PCED1B: variants seen among roughly 807,000 people sequenced by gnomAD.
PCED1B encodes the protein PC-esterase domain containing 1B.
For missense variants in PCED1B, 573 were observed against 573.9 expected (o/e 1.00, Z 0.02); for synonymous variants, 251 against 246.1 (o/e 1.02, Z -0.19).
intron 2 of PCED1B, among the ~76,000 whole-genome samples, chr12:47,116,433 A>T (rs1939423222): frequency 6.6e-6 from 1 of 152,074 alleles, no homozygotes; most frequent in Non-Finnish European, 1.5e-5. Context: ...CTGTTTTTTG[A>T]TCTGCTGAAA....
At chr12:47,217,865 C>A (rs1939966900) in intron 3 of PCED1B, among the ~76,000 whole-genome samples, 1 of 152,224 alleles carries the variant, frequency 6.6e-6, no homozygotes. Context: ...GCATGAGCTA[C>A]CGCGCCCTTC....
rs573617131 is a variant in PCED1B at position 47,110,311 on chromosome 12, C to T, written c.-526+6116C>T. On this transcript the variant is annotated intron_variant, in intron 2 of 3. Transcript: ENST00000546455. Reference sequence around the variant, plus strand: ...AAACAAAAATGCTGTGTTTGGAGGCCATAATGTGAGCTTTTGTCAACAAAG... The same window carrying T: ...AAACAAAAATGCTGTGTTTGGAGGCTATAATGTGAGCTTTTGTCAACAAAG... Among the ~76,000 whole-genome samples the T allele has an allele frequency of 1.5e-4, 23 of 152,222 alleles. No homozygotes were observed. In the South Asian group the frequency reaches 3.7e-3, roughly 25 times the overall value.
intron 1 of PCED1B, chr12:47,080,049 C>T (rs1356160930): frequency 6.6e-6 from 1 of 152,366 alleles, no homozygotes; most frequent in Non-Finnish European, 1.5e-5. Flanking sequence ...GGCGCCCCCT[C>T]ATACCGCCCC....
intron 1 of PCED1B, among the ~76,000 whole-genome samples, chr12:47,089,218 G>A (rs796115755): frequency 3.3e-5 from 5 of 151,836 alleles, no homozygotes; most frequent in African/African-American, 9.7e-5. Flanking sequence ...CAAGGCAGGC[G>A]GATCATGAGG....
intron 1 of PCED1B, among the ~76,000 whole-genome samples, chr12:47,083,823 G>C (rs1937854778): frequency 6.6e-6 from 1 of 152,134 alleles, no homozygotes. Flanking sequence ...TCCCCAGGAA[G>C]AGCTCACAAT....
intron 2 of PCED1B, among the ~76,000 whole-genome samples, chr12:47,149,991 A>G (rs1228265290): frequency 1.3e-5 from 2 of 152,224 alleles, no homozygotes; most frequent in Admixed American, 1.3e-4. Flanking sequence ...TTAATGAAAT[A>G]TGAATTAGAT....
chr12:47,128,205 C>G (rs1196899349), intron 2 of PCED1B, among the ~76,000 whole-genome samples: 1 of 151,956 alleles, frequency 6.6e-6, no homozygotes, highest in Admixed American at 6.6e-5. Flanking sequence ...GGTTCAAGGG[C>G]TGATTATGGC....
At chr12:47,150,972 A>C (rs1051814406) in intron 2 of PCED1B, among the ~76,000 whole-genome samples, 1 of 152,222 alleles carries the variant, frequency 6.6e-6, no homozygotes, top group Non-Finnish European at 1.5e-5. Context: ...GCGAACAATT[A>C]CAAATGAACA....
At chr12:47,109,789 AT>A (rs2137255946) in intron 2 of PCED1B, among the ~76,000 whole-genome samples, 1 of 152,334 alleles carries the variant, frequency 6.6e-6, no homozygotes, top group Admixed American at 6.5e-5. Flanking sequence ...TAAATACTGC[AT>A]CCTAAGGTCA....
intron 3 of PCED1B, among the ~76,000 whole-genome samples, chr12:47,233,184 G>C (rs114621121): frequency 0.019 from 2,953 of 152,294 alleles, 99 homozygotes; most frequent in African/African-American, 0.066. Context: ...TGGGTTTGCA[G>C]GCGTGAGCTG....
At chr12:47,151,002 C>T (rs1336307698) in intron 2 of PCED1B, among the ~76,000 whole-genome samples, 1 of 152,038 alleles carries the variant, frequency 6.6e-6, no homozygotes, top group Non-Finnish European at 1.5e-5. Context: ...AAAGGGAACA[C>T]AGAGGAAAAG....
chr12:47,194,001 T>C (rs527819699), intron 2 of PCED1B, among the ~76,000 whole-genome samples: 153 of 152,330 alleles, frequency 1.0e-3, no homozygotes, highest in African/African-American at 3.5e-3. Context: ...AAATACCACA[T>C]GCTCTTGCTG....
intron 3 of PCED1B, among the ~76,000 whole-genome samples, chr12:47,218,401 T>C (rs1395592151): frequency 1.3e-5 from 2 of 152,256 alleles, no homozygotes; most frequent in African/African-American, 4.8e-5. Context: ...GCCGTAGAGC[T>C]TGAAACTGGC....
chr12:47,195,476 A>G (rs1175382629), intron 2 of PCED1B, among the ~76,000 whole-genome samples: 2 of 152,154 alleles, frequency 1.3e-5, no homozygotes, highest in African/African-American at 4.8e-5. Context: ...GGTGACTACA[A>G]ATTTATTCAT....
chr12:47,128,895 A>T (rs1320788549), intron 2 of PCED1B, among the ~76,000 whole-genome samples: 1 of 152,352 alleles, frequency 6.6e-6, no homozygotes, highest in East Asian at 1.9e-4. Context: ...AGCAAGGTAG[A>T]GGTTTTTATA....
At chr12:47,227,868 C>T (rs572684479) in intron 3 of PCED1B, among the ~76,000 whole-genome samples, 2 of 151,944 alleles carry the variant, frequency 1.3e-5, no homozygotes, top group African/African-American at 2.4e-5. Context: ...AAAAAGAAGA[C>T]ATTCTTAGGT....
intron 2 of PCED1B, among the ~76,000 whole-genome samples, chr12:47,146,124 A>C (rs80235016): frequency 1.3e-5 from 2 of 152,200 alleles, no homozygotes; most frequent in Admixed American, 1.3e-4. Context: ...TTAAGGATTC[A>C]GGACTTCAGT....
At chr12:47,172,335 G>C (rs1460462945) in intron 2 of PCED1B, among the ~76,000 whole-genome samples, 1 of 131,958 alleles carries the variant, frequency 7.6e-6, no homozygotes, top group African/African-American at 2.7e-5. Flanking sequence ...AAAAGTCGTG[G>C]GTTGCTTTTT....
In PCED1B at chr12:47,136,085, CT is replaced by C. The variant is rs57549946; in HGVS notation, c.-526+31905del. ...CCAGTACTCACCATTCAATTTCTTT[CT>C]TTTTTTTTTTTTTTGGCCAATTTGA... is the stretch of plus-strand genomic sequence containing the variant. On this transcript the variant is annotated intron_variant, in intron 2 of 3. Transcript: ENST00000546455. 2.2e-3 allele frequency: 286 copies of C among 131,476 alleles called. 2 individuals are homozygous for C. The highest frequency in any genetic ancestry group is 7.6e-3 in the African/African-American group (262 of 34,550). 8.1% of individuals were successfully genotyped at this position (131,476 alleles called of 1,614,324 possible). A position where few individuals can be genotyped will look rare whatever the true frequency, so the allele number is the denominator to read the frequency against.
Sources: gnomAD v4.1 joint callset for allele counts (sites outside exome capture counted in the v4.1 genomes callset) on GRCh38, gnomAD v4.1.1 for gene constraint, MANE v1.5 for transcripts, NCBI Gene and HGNC (gene_info 2026-07-23, HGNC 2026-07-21) for gene names.